DCP1A: variants seen among roughly 807,000 people sequenced by gnomAD.
DCP1A encodes the protein mRNA-decapping enzyme 1A.
In DCP1A, 20 loss-of-function variants were observed where a neutral mutation model predicts 58.0. The observed-to-expected ratio is 0.34, with a 90% CI of 0.24 to 0.50. The LOEUF is 0.50. Among genes scored for constraint, DCP1A ranks in the 20% least tolerant of loss-of-function variants. The pLI is 0.98. For synonymous variants in DCP1A, 285 were observed against 275.1 expected (o/e 1.04, Z -0.36); for missense variants, 613 against 712.2 (o/e 0.86, Z 1.59).
At chr3:53,299,763 G>A (rs1707252318) in intron 6 of DCP1A, among the ~76,000 whole-genome samples, 1 of 152,210 alleles carries the variant, frequency 6.6e-6, no homozygotes, top group African/African-American at 2.4e-5. Flanking sequence ...ATCTGCCTGT[G>A]GCGGCTGATG....
Position 53,319,430 on chromosome 3 carries a change from G to A in DCP1A, c.348C>T (p.His116=). 1 of 1,561,784 alleles carries A rather than the reference G, an allele frequency of 6.4e-7. No individual in the cohort carries two copies. The highest frequency in any genetic ancestry group is 1.2e-5 in the South Asian group (1 of 84,800). Reference sequence around the variant, plus strand: ...ACTCAGCCATGAGTTTTGCTATGCGGTGACAGTCATTCTTGTCATAAAACC... The same window carrying A: ...ACTCAGCCATGAGTTTTGCTATGCGATGACAGTCATTCTTGTCATAAAACC... ...SIWFYDKNDC[H]RIAKLMADVV... is the part of the protein sequence containing the mutation. The change falls in exon 4 of 10, where the codon CAC becomes CAT. Residue 116 remains histidine, a synonymous_variant. Coordinates refer to ENST00000610213, the MANE Select transcript of DCP1A (RefSeq NM_018403.7).
intron 3 of DCP1A, among the ~76,000 whole-genome samples, chr3:53,320,985 A>G (rs529426627): frequency 2.6e-5 from 4 of 152,340 alleles, no homozygotes; most frequent in Non-Finnish European, 5.9e-5. Flanking sequence ...CTGGCGGCCA[A>G]TTATTATTAG....
At chr3:53,311,810 G>C (rs993191741) in intron 5 of DCP1A, among the ~76,000 whole-genome samples, 1 of 152,176 alleles carries the variant, frequency 6.6e-6, no homozygotes, top group Non-Finnish European at 1.5e-5. Context: ...GCTAACTTCT[G>C]CACTCCAAGA....
Position 53,334,809 on chromosome 3 carries a change from G to A in DCP1A, c.304+7335C>T, listed in dbSNP as rs143492251. ...GACACATGTGGCTACTGCACTGACA[G>A]CACTGCTGTGGGAGCTCCTACAGCA... On this transcript the variant is annotated intron_variant, in intron 3 of 9. Transcript: ENST00000610213. Among the ~76,000 whole-genome samples, 49 of 152,302 alleles carry A rather than the reference G, an allele frequency of 3.2e-4. No individual in the cohort carries two copies. In the East Asian group the frequency reaches 9.1e-3, roughly 28 times the overall value.
chr3:53,290,805 A>G lies in DCP1A; in HGVS notation c.1435T>C (p.Ser479Pro), dbSNP rs1695462861. ...CGAGTCCTTACCGGGATGGCACTGGATAACACCTTAGGCTGCACAAATACT... is the reference window on the plus strand; with the variant it reads ...CGAGTCCTTACCGGGATGGCACTGGGTAACACCTTAGGCTGCACAAATACT... Reference protein sequence around the residue: ...PEVFVQPKVLSSAIPVAGAPL... With the variant: ...PEVFVQPKVLPSAIPVAGAPL... Residue 479 changes from serine (S) to proline (P), a missense_variant, in exon 8 of 10, where the codon TCC becomes CCC. This residue lies in a region of DCP1A where 498 missense variants were observed against 556.7 expected (regional missense o/e 0.89). Transcript: ENST00000610213. 5.0e-6 allele frequency: 8 copies of G among 1,597,710 alleles called. No individual in the cohort carries two copies. The highest frequency in any genetic ancestry group is 1.7e-4 in the Middle Eastern group (1 of 6,026).
At chr3:53,327,299 G>T (rs1708137837) in intron 3 of DCP1A, among the ~76,000 whole-genome samples, 1 of 152,184 alleles carries the variant, frequency 6.6e-6, no homozygotes, top group Non-Finnish European at 1.5e-5. Context: ...AGACCTCAGG[G>T]TGTGGTGAGA....
chr3:53,288,702 C>G (rs1706739153), intron 8 of DCP1A, among the ~76,000 whole-genome samples: 1 of 152,054 alleles, frequency 6.6e-6, no homozygotes, highest in Non-Finnish European at 1.5e-5. Flanking sequence ...TTGGGTTGCC[C>G]AAGGGATATT....
intron 2 of DCP1A, among the ~76,000 whole-genome samples, chr3:53,343,814 T>C (rs1267750527): frequency 6.6e-6 from 1 of 152,190 alleles, no homozygotes; most frequent in African/African-American, 2.4e-5. Flanking sequence ...GGTTTCACCG[T>C]GTTAGCCAGG....
chr3:53,290,496 A>C (rs1553685799), intron 8 of DCP1A: 1 of 557,268 alleles, frequency 1.8e-6, no homozygotes, highest in East Asian at 3.1e-5. Flanking sequence ...CTCTGCCAGG[A>C]CGGGGTGGGA....
At chr3:53,289,733 T>C (rs1706783927) in intron 8 of DCP1A, among the ~76,000 whole-genome samples, 2 of 152,240 alleles carry the variant, frequency 1.3e-5, no homozygotes, top group African/African-American at 2.4e-5. Context: ...GATGTGCTTC[T>C]AGGCTAATTC....
At chr3:53,317,594 T>C (rs781948031) in intron 4 of DCP1A, among the ~76,000 whole-genome samples, 2 of 152,224 alleles carry the variant, frequency 1.3e-5, no homozygotes, top group Non-Finnish European at 2.9e-5. Context: ...CTTGTGCCTA[T>C]AGTCCCAATT....
intron 3 of DCP1A, among the ~76,000 whole-genome samples, chr3:53,328,760 A>C (rs1359697177): frequency 2.0e-5 from 3 of 152,248 alleles, no homozygotes; most frequent in Non-Finnish European, 4.4e-5. Context: ...AGTGTCACTG[A>C]GTCAGACTCA....
At chr3:53,336,959 T>G (rs1202050514) in intron 3 of DCP1A, among the ~76,000 whole-genome samples, 1 of 152,038 alleles carries the variant, frequency 6.6e-6, no homozygotes, top group Non-Finnish European at 1.5e-5. Flanking sequence ...CAACCTTCAC[T>G]GCCTGGGTTC....
chr3:53,333,511 T>A (rs564476848), intron 3 of DCP1A, among the ~76,000 whole-genome samples: 1 of 152,228 alleles, frequency 6.6e-6, no homozygotes, highest in East Asian at 1.9e-4. Flanking sequence ...CCAATAACTT[T>A]TATTGTCTGT....
At chr3:53,305,696 G>A (rs1553687958) in intron 5 of DCP1A, among the ~76,000 whole-genome samples, 1 of 151,420 alleles carries the variant, frequency 6.6e-6, no homozygotes, top group African/African-American at 2.4e-5. Flanking sequence ...GTACTTCTTG[G>A]GTCATATGAT....
intron 3 of DCP1A, among the ~76,000 whole-genome samples, chr3:53,337,859 T>G (rs1349050234): frequency 6.6e-6 from 1 of 152,204 alleles, no homozygotes; most frequent in African/African-American, 2.4e-5. Context: ...TATATTAAAT[T>G]AAATAAACTA....
In DCP1A at chr3:53,305,986, A is replaced by G. The variant is rs566674088; in HGVS notation, c.511-1696T>C. 3.0e-3 allele frequency among the ~76,000 whole-genome samples: 462 copies of G among 152,356 alleles called. 2 individuals are homozygous for G. Among genetic ancestry groups the G allele is most frequent in the African/African-American group, 0.011 (445 of 41,596 alleles). ...GAATATTTGTGCTATCTGATCCGGC[A>G]TCTGATGAACATCATCCATGCCAAA... On this transcript the variant is annotated intron_variant, in intron 5 of 9. Transcript: ENST00000610213.
chr3:53,329,112 C>G (rs1267925465), intron 3 of DCP1A: 2 of 370,626 alleles, frequency 5.4e-6, no homozygotes, highest in East Asian at 3.9e-5. Context: ...GTAAACTTAT[C>G]TTGTAAGGAA....
In DCP1A at chr3:53,292,717, C is replaced by T. The variant is rs782617481; in HGVS notation, c.735G>A (p.Leu245=). Residue 245 remains leucine, a synonymous_variant, in exon 7 of 10, where the codon TTG becomes TTA. Transcript: ENST00000610213. The stretch of plus-strand genomic sequence containing the variant: ...GCTCTTTCTGGGAGGCATCTCCTGG[C>T]AACCTCTCCATTTCTTCTGAATCCA... ...VGLDSEEMER[L]PGDASQKEPN... The T allele has an allele frequency of 2.2e-5, 35 of 1,613,784 alleles. No individual in the cohort carries two copies. In the African/African-American group the frequency reaches 4.1e-4, roughly 19 times the overall value.
Sources: allele counts gnomAD v4.1 joint callset (sites outside exome capture counted in the v4.1 genomes callset), GRCh38; gene constraint gnomAD v4.1.1; regional missense constraint gnomAD v4.1.1; transcripts MANE v1.5; gene names NCBI Gene and HGNC (gene_info 2026-07-23, HGNC 2026-07-21).